GREM2: variants seen among roughly 807,000 people sequenced by gnomAD.
GREM2 encodes gremlin-2.
In GREM2, 11 loss-of-function variants were observed where a neutral mutation model predicts 14.2. The ratio of observed to expected loss-of-function variants is 0.78; its 90% confidence interval spans 0.49 to 1.28. GREM2 has a LOEUF of 1.28. Ranked by LOEUF, GREM2 falls within the 50% of genes most tolerant of loss-of-function variation. The pLI is 0.00. For missense variants in GREM2, 210 were observed against 218.5 expected, an observed-to-expected ratio of 0.96 and a Z score of 0.24; for synonymous variants, 98 against 97.6, an observed-to-expected ratio of 1.00 and a Z score of -0.02.
At chr1:240,577,081 A>G (rs1406904241) in intron 1 of GREM2, among the ~76,000 whole-genome samples, 1 of 152,186 alleles carries the variant, frequency 6.6e-6, no homozygotes, top group Non-Finnish European at 1.5e-5. Flanking sequence ...CTCTACTTAC[A>G]GTGGGTGCCA....
At chr1:240,583,778 AT>A (rs1679536684) in intron 1 of GREM2, among the ~76,000 whole-genome samples, 1 of 151,720 alleles carries the variant, frequency 6.6e-6, no homozygotes, top group African/African-American at 2.4e-5. Context: ...ACTTTTTTGT[AT>A]TTTTAGTAGA....
chr1:240,583,582 C>T (rs1409931043), intron 1 of GREM2, among the ~76,000 whole-genome samples: 1 of 150,840 alleles, frequency 6.6e-6, no homozygotes, highest in East Asian at 2.0e-4. Context: ...CTCCCACTTT[C>T]TCCCTTCATC....
At chr1:240,512,732 T>G (rs935321033) in intron 1 of GREM2, among the ~76,000 whole-genome samples, 1 of 152,212 alleles carries the variant, frequency 6.6e-6, no homozygotes, top group African/African-American at 2.4e-5. Flanking sequence ...ATATAAGGTT[T>G]CATGTAAAAT....
chr1:240,586,561 G>A (rs182672708), intron 1 of GREM2, among the ~76,000 whole-genome samples: 1 of 152,254 alleles, frequency 6.6e-6, no homozygotes, highest in East Asian at 1.9e-4. Context: ...GGTATGTAAG[G>A]AAGGAAGTGG....
intron 1 of GREM2, among the ~76,000 whole-genome samples, chr1:240,603,641 G>T (rs142304164): frequency 3.3e-5 from 5 of 152,038 alleles, no homozygotes; most frequent in Admixed American, 2.0e-4. Context: ...TTTTTTACCT[G>T]TTCTTCCCCA....
intron 1 of GREM2, among the ~76,000 whole-genome samples, chr1:240,525,749 G>A (rs1204581605): frequency 3.3e-5 from 5 of 152,100 alleles, no homozygotes; most frequent in South Asian, 4.1e-4. Context: ...AAAATGTTGC[G>A]ATTACAGGCG....
At chr1:240,595,860 G>C (rs144016882) in intron 1 of GREM2, among the ~76,000 whole-genome samples, 18 of 152,292 alleles carry the variant, frequency 1.2e-4, no homozygotes, top group African/African-American at 4.3e-4. Flanking sequence ...AAGGTTAAGA[G>C]GAAGTGTTTT....
intron 1 of GREM2, among the ~76,000 whole-genome samples, chr1:240,530,084 A>T (rs1320477675): frequency 1.3e-5 from 2 of 152,156 alleles, no homozygotes; most frequent in Non-Finnish European, 2.9e-5. Context: ...TTTCAAGAAA[A>T]GGTAGTACCT....
At chr1:240,510,131 A>G (rs927483094) in intron 1 of GREM2, among the ~76,000 whole-genome samples, 18 of 152,158 alleles carry the variant, frequency 1.2e-4, no homozygotes, top group Admixed American at 7.2e-4. Flanking sequence ...GCACTTTGGG[A>G]GGCCGAGGCG....
intron 1 of GREM2, among the ~76,000 whole-genome samples, chr1:240,510,688 T>C (rs1677804240): frequency 6.6e-6 from 1 of 152,222 alleles, no homozygotes; most frequent in Non-Finnish European, 1.5e-5. Flanking sequence ...AAAGTGGTGA[T>C]TTAAAAGTTT....
chr1:240,507,470 T>C lies in GREM2; in HGVS notation c.-1-13994A>G, dbSNP rs557911759. Among the ~76,000 whole-genome samples, 6 of 152,276 alleles carry C rather than the reference T, an allele frequency of 3.9e-5. 1 individual carries two copies. The South Asian group carries it at 1.0e-3, about 26-fold the overall frequency. ...CTCAGCCTCCCAAAAGTAGCTGGGA[T>C]TACAGGCATGTGCCACCATGCCCGG... is the stretch of plus-strand genomic sequence containing the variant. On this transcript the variant is annotated intron_variant, in intron 1 of 1. Transcript: ENST00000318160.
intron 1 of GREM2, among the ~76,000 whole-genome samples, chr1:240,599,036 A>T (rs1028442837): frequency 1.3e-5 from 2 of 152,098 alleles, no homozygotes; most frequent in Admixed American, 1.3e-4. Context: ...TGGGAGACCG[A>T]GGCAGGCAGA....
intron 1 of GREM2, among the ~76,000 whole-genome samples, chr1:240,515,681 G>T (rs1486196249): frequency 2.0e-5 from 3 of 152,130 alleles, no homozygotes; most frequent in Non-Finnish European, 2.9e-5. Flanking sequence ...TTGTAAATTT[G>T]AGGACTAACA....
chr1:240,531,654 T>C (rs1250285323), intron 1 of GREM2: 1 of 985,308 alleles, frequency 1.0e-6, no homozygotes, highest in Non-Finnish European at 1.2e-6. Flanking sequence ...GTCTGCCTGC[T>C]CCCTGACGTG....
intron 1 of GREM2, among the ~76,000 whole-genome samples, chr1:240,599,465 C>T (rs890025641): frequency 8.5e-5 from 13 of 152,070 alleles, no homozygotes; most frequent in Non-Finnish European, 1.5e-4. Context: ...CAGGGAGTGA[C>T]TTTCCTCTGA....
At position 240,540,693 on chromosome 1, in the gene GREM2, G is replaced by A. The variant is rs1678566518; in HGVS notation, c.-1-47217C>T. Among the ~76,000 whole-genome samples the A allele has an allele frequency of 6.6e-6, 1 of 151,946 alleles. No homozygotes were observed. The highest frequency in any genetic ancestry group is 1.5e-5 in the Non-Finnish European group (1 of 68,002). ...TTCTCCTGCCTCAGCCTCCTGAGTA[G>A]CTGGGACTACAGGCATGCATCACCA... On this transcript the variant is annotated intron_variant, in intron 1 of 1. Transcript: ENST00000318160. This position sits in a 1 kb window ranked among gnomAD's most constrained non-coding sequence, Gnocchi z 4.2.
intron 1 of GREM2, among the ~76,000 whole-genome samples, chr1:240,585,729 CAAAAAAAAAA>C (rs370321961): frequency 1.2e-3 from 81 of 67,828 alleles, no homozygotes; most frequent in East Asian, 0.011. Flanking sequence ...GACTCCATCT[CAAAAAAAAAA>C]AAAAAAAAAA....
chr1:240,572,199 A>G (rs1426098827), intron 1 of GREM2, among the ~76,000 whole-genome samples: 2 of 152,216 alleles, frequency 1.3e-5, no homozygotes, highest in Admixed American at 6.5e-5. Context: ...TTTTTATATT[A>G]AAAAGATGTG....
chr1:240,513,421 A>G (rs2103293713), intron 1 of GREM2, among the ~76,000 whole-genome samples: 1 of 152,170 alleles, frequency 6.6e-6, no homozygotes, highest in Non-Finnish European at 1.5e-5. Flanking sequence ...CTAAAAATAT[A>G]CAAATTAGCT....
Sources: allele counts gnomAD v4.1 joint callset (sites outside exome capture counted in the v4.1 genomes callset), GRCh38; gene constraint gnomAD v4.1.1; non-coding constraint Gnocchi (gnomAD v3.1); transcripts MANE v1.5; gene names NCBI Gene and HGNC (gene_info 2026-07-23, HGNC 2026-07-21).